CCDC148: variants seen among roughly 807,000 people sequenced by gnomAD.
The protein encoded by CCDC148 is coiled-coil domain containing 148.
A neutral mutation model predicts 85.7 loss-of-function variants in CCDC148; 89 were observed. That is an observed-to-expected ratio of 1.04 (90% CI 0.87 to 1.24). The LOEUF (loss-of-function observed/expected upper bound fraction) is 1.24, where lower values mean the gene tolerates loss of function less well. Ranked by LOEUF, CCDC148 falls within the 50% of genes most tolerant of loss-of-function variation. The pLI is 0.00. For synonymous variants in CCDC148, 230 were observed against 213.9 expected (o/e 1.08, Z -0.66); for missense variants, 692 against 671.7 (o/e 1.03, Z -0.33).
chr2:158,419,967 A>G (rs1686693053), intron 1 of CCDC148: 2 of 152,332 alleles, frequency 1.3e-5, no homozygotes, highest in South Asian at 2.1e-4. Context: ...TGCCATCACT[A>G]CTGCAGCAAC....
intron 9 of CCDC148, among the ~76,000 whole-genome samples, chr2:158,258,695 C>T (rs1559023652): frequency 6.6e-6 from 1 of 151,828 alleles, no homozygotes; most frequent in Non-Finnish European, 1.5e-5. Flanking sequence ...TAAACCCATT[C>T]AGTTCTCTCT....
At chr2:158,352,062 A>C (rs201368736) in intron 2 of CCDC148, among the ~76,000 whole-genome samples, 3 of 142,422 alleles carry the variant, frequency 2.1e-5, no homozygotes, top group Non-Finnish European at 4.6e-5. Flanking sequence ...CATCCACACC[A>C]AAAACCCATC....
intron 9 of CCDC148, among the ~76,000 whole-genome samples, chr2:158,258,356 A>G (rs1281768179): frequency 1.3e-5 from 2 of 151,864 alleles, no homozygotes; most frequent in Non-Finnish European, 2.9e-5. Flanking sequence ...TGTCACCATC[A>G]TTGAGCTACA....
chr2:158,249,764 A>G (rs1179965342), intron 10 of CCDC148, among the ~76,000 whole-genome samples: 1 of 152,094 alleles, frequency 6.6e-6, no homozygotes, highest in Non-Finnish European at 1.5e-5. Flanking sequence ...ACTTGGAACA[A>G]CCTCTAGGCA....
chr2:158,251,887 A>G (rs1233923606), intron 9 of CCDC148, among the ~76,000 whole-genome samples: 3 of 151,764 alleles, frequency 2.0e-5, no homozygotes, highest in Admixed American at 6.6e-5. Context: ...CTCTGAATAG[A>G]ATCACTTCCT....
chr2:158,233,960 G>A (rs1254516378), intron 10 of CCDC148, among the ~76,000 whole-genome samples: 2 of 152,090 alleles, frequency 1.3e-5, no homozygotes, highest in African/African-American at 2.4e-5. Flanking sequence ...GGTGGAGCAC[G>A]AGGTCAAGAG....
At position 158,338,866 on chromosome 2, in the gene CCDC148, A is replaced by G; in HGVS notation, c.624T>C (p.Ser208=). The G allele has an allele frequency of 6.2e-7, 1 of 1,610,912 alleles. No individual in the cohort carries two copies. Among genetic ancestry groups the G allele is most frequent in the Non-Finnish European group, 8.5e-7 (1 of 1,179,272 alleles). The stretch of plus-strand genomic sequence containing the variant: ...AACTTTCTAATTCAATGGGCAGTTC[A>G]CTAAGCGGGTTAGTCTTTTCTTCCA... The part of the protein sequence containing the change: ...HSLEEKTNPL[S]ELPIELESLE... Residue 208 remains serine (S), a synonymous_variant, in exon 7 of 14, where the codon AGT becomes AGC. Transcript: ENST00000283233.
At chr2:158,346,677 A>C (rs1683011408) in intron 2 of CCDC148, among the ~76,000 whole-genome samples, 1 of 152,208 alleles carries the variant, frequency 6.6e-6, no homozygotes, top group South Asian at 2.1e-4. Flanking sequence ...TGTACATCAG[A>C]AACTTGATGA....
intron 1 of CCDC148, among the ~76,000 whole-genome samples, chr2:158,413,601 G>C (rs1686362426): frequency 1.7e-5 from 1 of 58,578 alleles, no homozygotes; most frequent in Admixed American, 2.7e-4. Context: ...TTTTTCTCTT[G>C]CCTTTTTTTT....
At chr2:158,409,618 G>A (rs1386727174) in intron 1 of CCDC148, among the ~76,000 whole-genome samples, 1 of 152,222 alleles carries the variant, frequency 6.6e-6, no homozygotes, top group African/African-American at 2.4e-5. Flanking sequence ...AGGTGGAAGG[G>A]ACTTGCCTTG....
At chr2:158,182,384 T>C (rs78156045) in intron 11 of CCDC148, among the ~76,000 whole-genome samples, 3,452 of 152,006 alleles carry the variant, frequency 0.023, 138 homozygotes, top group African/African-American at 0.078. Flanking sequence ...TTAGGGAAAA[T>C]GGGGTCAACA....
At chr2:158,173,093 A>T (rs1472488983) in intron 13 of CCDC148, among the ~76,000 whole-genome samples, 1 of 152,090 alleles carries the variant, frequency 6.6e-6, no homozygotes, top group Admixed American at 6.6e-5. Flanking sequence ...CCCTAAAAGT[A>T]GTAAAACATG....
At chr2:158,331,386 T>C (rs540296615) in intron 7 of CCDC148, among the ~76,000 whole-genome samples, 124 of 152,304 alleles carry the variant, frequency 8.1e-4, no homozygotes, top group African/African-American at 2.8e-3. Flanking sequence ...TTGTTATAAT[T>C]TCTGTTCTTT....
intron 10 of CCDC148, among the ~76,000 whole-genome samples, chr2:158,243,005 T>C (rs1442233466): frequency 6.6e-6 from 1 of 151,978 alleles, no homozygotes; most frequent in Non-Finnish European, 1.5e-5. Flanking sequence ...TTGGCAAATG[T>C]GGGAGAAATG....
intron 2 of CCDC148, among the ~76,000 whole-genome samples, chr2:158,352,866 G>A (rs1474064747): frequency 3.3e-5 from 5 of 152,104 alleles, no homozygotes; most frequent in African/African-American, 4.8e-5. Flanking sequence ...CATCAGACTA[G>A]CAGCGGATCT....
intron 2 of CCDC148, among the ~76,000 whole-genome samples, chr2:158,347,707 C>G (rs1683063282): frequency 6.6e-6 from 1 of 152,036 alleles, no homozygotes; most frequent in African/African-American, 2.4e-5. Flanking sequence ...GATAATAAAA[C>G]CCTAAATAGG....
intron 9 of CCDC148, among the ~76,000 whole-genome samples, chr2:158,283,031 G>T (rs1184148935): frequency 6.6e-6 from 1 of 152,154 alleles, no homozygotes; most frequent in East Asian, 1.9e-4. Context: ...AATGGGGAAA[G>T]GATTCCCTAT....
chr2:158,344,956 G>A (rs1344929916), intron 3 of CCDC148, among the ~76,000 whole-genome samples: 1 of 152,086 alleles, frequency 6.6e-6, no homozygotes, highest in East Asian at 1.9e-4. Context: ...ACAAGTATGA[G>A]AGTGGGAGTG....
At chr2:158,273,392 GT>G (rs747044632) in intron 9 of CCDC148, among the ~76,000 whole-genome samples, 1 of 152,120 alleles carries the variant, frequency 6.6e-6, no homozygotes, top group Non-Finnish European at 1.5e-5. Flanking sequence ...GTGTAAAAAT[GT>G]TATTGCCTCC....
Sources: allele counts gnomAD v4.1 joint callset (sites outside exome capture counted in the v4.1 genomes callset), GRCh38; gene constraint gnomAD v4.1.1; transcripts MANE v1.5; gene names NCBI Gene and HGNC (gene_info 2026-07-23, HGNC 2026-07-21).